The following TMEM214 variants were observed in gnomAD, a reference collection of about 807,000 sequenced individuals.
TMEM214 encodes the protein transmembrane protein 214.
TMEM214 carries 71 observed loss-of-function variants against 89.8 expected under a neutral mutation model. The observed-to-expected ratio is 0.79, with a 90% CI of 0.65 to 0.96. The LOEUF is 0.96. Ranked by LOEUF, TMEM214 falls within the 40% of genes least tolerant of loss-of-function variation. The pLI is 0.00. For synonymous variants in TMEM214, 332 were observed against 349.5 expected (o/e 0.95, Z 0.56); for missense variants, 754 against 843.4 (o/e 0.89, Z 1.31).
chr2:27,041,534 C>T lies in TMEM214; in HGVS notation c.*697C>T, dbSNP rs1008835985. The T allele has an allele frequency of 6.5e-6, 1 of 154,194 alleles. No homozygotes were observed. Among genetic ancestry groups the T allele is most frequent in the Non-Finnish European group, 1.5e-5 (1 of 68,382 alleles). The allele number at this position is 154,194 out of a possible 1,614,324, so 9.6% of individuals were successfully genotyped here. ...TGGGGGTCTTGGTCACAAGGCTCAG[C>T]TTCTCTCCACTGTCCATCCCTCCTA... On this transcript the variant is annotated 3_prime_UTR_variant, in exon 17 of 17. Coordinates refer to ENST00000238788, the MANE Select transcript of TMEM214 (RefSeq NM_017727.5).
At chr2:27,036,183 G>A in intron 5 of TMEM214, 131 bp downstream of exon 5, 1 of 771,706 alleles carries the variant, frequency 1.3e-6, no homozygotes, top group Non-Finnish European at 2.2e-6. Context: ...AACACTATTA[G>A]CACCTATCCT....
Position 27,040,123 on chromosome 2 carries a change from A to C in TMEM214, c.1716A>C (p.Thr572=), listed in dbSNP as rs778305264. ...TGGCCTGGGCTCACACCAATGCCAC[A>C]GTCAGCTTCCTTTCTGCCCACTGTG... ...LQLAWAHTNA[T]VSFLSAHCAS... Residue 572 remains threonine, a synonymous_variant, in exon 15 of 17, where the codon ACA becomes ACC. Transcript: ENST00000238788. 6.2e-7 allele frequency: 1 copy of C among 1,609,286 alleles called. No homozygotes were observed. The highest frequency in any genetic ancestry group is 8.5e-7 in the Non-Finnish European group (1 of 1,180,010).
chr2:27,036,082 G>A (rs758680657), intron 5 of TMEM214, 30 bp downstream of exon 5: 2 of 1,607,906 alleles, frequency 1.2e-6, no homozygotes. Context: ...GGGGATGCTA[G>A]GAAGCTAGGA....
chr2:27,036,461 T>A (rs1373635847), intron 5 of TMEM214, 26 bp from the exon 6 acceptor site: 4 of 1,593,846 alleles, frequency 2.5e-6, no homozygotes, highest in Non-Finnish European at 2.6e-6. Flanking sequence ...CCTATCCCAA[T>A]CTGCCTTCCC....
At chr2:27,036,629 G>A (rs370665769) in intron 6 of TMEM214, 37 bp downstream of exon 6, 180 of 1,613,282 alleles carry the variant, frequency 1.1e-4, no homozygotes, top group Admixed American at 1.7e-4. Context: ...GGAGGGTCTC[G>A]GAGCTGGAAA....
In TMEM214 at chr2:27,038,453, AC is replaced by A. The variant is rs1485469691; in HGVS notation, c.1245-29del. 1 of 1,613,146 alleles carries A rather than the reference AC, an allele frequency of 6.2e-7. No individual in the cohort carries two copies. The highest frequency in any genetic ancestry group is 1.3e-5 in the African/African-American group (1 of 74,894). ...GAGGATGGGTGAGGCTGCGCGAGCC[AC>A]CTGACTAGGGGGTTGTGCTTTCCCC... On this transcript the variant is annotated intron_variant, in intron 10 of 16. Coordinates refer to ENST00000238788, the MANE Select transcript of TMEM214 (RefSeq NM_017727.5). The surrounding 1 kb of genome is among the most constrained non-coding windows in gnomAD (Gnocchi z 4.4).
Position 27,036,513 on chromosome 2 carries a change from G to A in TMEM214, c.747G>A (p.Gln249=). The A allele has an allele frequency of 6.2e-7, 1 of 1,614,148 alleles. No individual in the cohort carries two copies. The highest frequency in any genetic ancestry group is 8.5e-7 in the Non-Finnish European group (1 of 1,180,026). The part of the protein sequence containing the change: ...GKFLELLRSH[Q]SRPAKCLTIM... ...TCCTGGAACTGCTGAGGTCCCACCAGAGCCGACCAGCAAAGTGTCTCACCA... is the reference window on the plus strand; with the variant it reads ...TCCTGGAACTGCTGAGGTCCCACCAAAGCCGACCAGCAAAGTGTCTCACCA... The change falls in exon 6 of 17, where the codon CAG becomes CAA. Residue 249 remains glutamine, a synonymous_variant. Coordinates refer to ENST00000238788, the MANE Select transcript of TMEM214 (RefSeq NM_017727.5).
At chr2:27,036,262 T>G (rs1407506720) in intron 5 of TMEM214, among the ~76,000 whole-genome samples, 3 of 152,240 alleles carry the variant, frequency 2.0e-5, no homozygotes. Context: ...ATGAAAAGAT[T>G]GAGCCACAGA....
intron 16 of TMEM214, 31 bp downstream of exon 16, chr2:27,040,527 T>TCCCCAGCAGCCC: frequency 6.2e-7 from 1 of 1,608,018 alleles, no homozygotes; most frequent in South Asian, 1.1e-5. Flanking sequence ...TCCGGCAGGA[T>TCCCCAGCAGCCC]CCCCAGCAGC....
intron 1 of TMEM214, among the ~76,000 whole-genome samples, 167 bp from the exon 2 acceptor site, chr2:27,033,900 A>C (rs1334962201): frequency 6.6e-6 from 1 of 152,120 alleles, no homozygotes; most frequent in African/African-American, 2.4e-5. Context: ...AGAAGCTACC[A>C]GGAGAACAGC....
Position 27,038,055 on chromosome 2 carries a change from C to T in TMEM214, c.1153-91C>T, listed in dbSNP as rs1203427192. ...AGGGTGGATGTGCGGCCTGGATGGC[C>T]TTGCTTACGGGAAGGGGATCACCTC... is the stretch of plus-strand genomic sequence containing the variant. On this transcript the variant is annotated intron_variant, in intron 9 of 16. Transcript: ENST00000238788. The surrounding 1 kb of genome is among the most constrained non-coding windows in gnomAD (Gnocchi z 4.4). 2.5e-6 allele frequency: 4 copies of T among 1,611,618 alleles called. No homozygotes were observed. The highest frequency in any genetic ancestry group is 3.4e-6 in the Non-Finnish European group (4 of 1,179,662).
Position 27,035,525 on chromosome 2 carries a change from G to A in TMEM214, c.503-69G>A. On this transcript the variant is annotated intron_variant, in intron 3 of 16. Transcript: ENST00000238788. ...TGCCTCCACTCACCATTCCCAGGGA[G>A]AGCACCACAGTTCTCAGAGCTGATG... 17 of 1,593,710 alleles carry A rather than the reference G, an allele frequency of 1.1e-5. No homozygotes were observed. The South Asian group carries it at 1.7e-4, about 16-fold the overall frequency.
rs150870195 is a variant in TMEM214 at position 27,037,240 on chromosome 2, A to G, written c.1010+62A>G. The G allele has an allele frequency of 3.9e-4, 516 of 1,325,170 alleles. 1 individual carries two copies. The African/African-American group carries it at 6.3e-3, about 16-fold the overall frequency. The allele number at this position is 1,325,170 out of a possible 1,614,324, so 82.1% of individuals were successfully genotyped here. ...CCACAGCACCAGAACCACACTACATATTCCCGTCTCTCCTTCCCCAGCCAT... is the reference window on the plus strand; with the variant it reads ...CCACAGCACCAGAACCACACTACATGTTCCCGTCTCTCCTTCCCCAGCCAT... On this transcript the variant is annotated intron_variant, in intron 8 of 16. Transcript: ENST00000238788.
chr2:27,037,878 A>G, intron 9 of TMEM214, 176 bp downstream of exon 9: 1 of 1,555,348 alleles, frequency 6.4e-7, no homozygotes, highest in Non-Finnish European at 8.7e-7. Context: ...GGATCCCAAG[A>G]GACAGCACAT....
rs555888933 is a variant in TMEM214 at position 27,039,681 on chromosome 2, C to T, written c.1526-60C>T. 6.3e-6 allele frequency: 9 copies of T among 1,428,208 alleles called. No homozygotes were observed. In the African/African-American group the frequency reaches 9.8e-5, roughly 16 times the overall value. The allele number at this position is 1,428,208 out of a possible 1,614,324, so 88.5% of individuals were successfully genotyped here. A position where few individuals can be genotyped will look rare whatever the true frequency, so the allele number is the denominator to read the frequency against. Reference sequence around the variant, plus strand: ...GTGCCTGCTCTGGGCCCTGTAGTGTCTGTCTCCCCAGTCCCTGCCCCTCTC... The same window carrying T: ...GTGCCTGCTCTGGGCCCTGTAGTGTTTGTCTCCCCAGTCCCTGCCCCTCTC... On this transcript the variant is annotated intron_variant, in intron 13 of 16. Transcript: ENST00000238788.
Position 27,034,264 on chromosome 2 carries a change from G to T in TMEM214, c.349G>T (p.Ala117Ser), listed in dbSNP as rs1397840508. The stretch of plus-strand genomic sequence containing the variant: ...CCGCAGCCTGGAGGAAGCACTGAAA[G>T]CTGTGAGTGTGCCTAGACATGAGAC... Reference protein sequence around the residue: ...RFRSLEEALKALDVADLQKEL... With the variant: ...RFRSLEEALKSLDVADLQKEL... The change falls in exon 2 of 17, where the codon GCT becomes TCT. Residue 117 changes from alanine to serine, a missense_variant and splice_region_variant. Ala to Ser is a moderately conservative substitution (Grantham distance 99, BLOSUM62 1). Coordinates refer to ENST00000238788, the MANE Select transcript of TMEM214 (RefSeq NM_017727.5). The T allele has an allele frequency of 1.2e-6, 2 of 1,613,572 alleles. No individual in the cohort carries two copies. The highest frequency in any genetic ancestry group is 1.7e-5 in the Admixed American group (1 of 59,984).
intron 1 of TMEM214, 109 bp downstream of exon 1, chr2:27,033,275 C>T (rs1667409692): frequency 1.8e-6 from 2 of 1,104,004 alleles, no homozygotes; most frequent in South Asian, 4.8e-5. Flanking sequence ...CCGAGCGCCA[C>T]GCTTGCGTTG....
rs200019186 is a variant in TMEM214, at chr2:27,037,100, G to C, written c.932G>C (p.Gly311Ala). ...AGGATGCATCCCAACCTTACCAAGG[G>C]CTTCGGCATGATTGGCCCCAAGGAC... The part of the protein sequence containing the change: ...LLLMHPNLTK[G>A]FGMIGPKDFF... Residue 311 changes from glycine to alanine, a missense_variant, in exon 8 of 17, where the codon GGC becomes GCC. Gly to Ala is a moderately conservative substitution (Grantham distance 60, BLOSUM62 0). Coordinates refer to ENST00000238788, the MANE Select transcript of TMEM214 (RefSeq NM_017727.5). 1.3e-5 allele frequency: 21 copies of C among 1,613,848 alleles called. No individual in the cohort carries two copies. Among genetic ancestry groups the C allele is most frequent in the Non-Finnish European group, 1.7e-5 (20 of 1,179,994 alleles).
rs746804824 is a variant in TMEM214 at position 27,040,743 on chromosome 2, A to T, written c.1976A>T (p.Gln659Leu). The part of the protein sequence containing the change: ...GEVTWDCMKT[Q>L]LSEAVHWTWL... ...GTGACCTGGGACTGCATGAAGACACAGCTCAGTGAGGCTGTCCACTGGACC... is the reference window on the plus strand; with the variant it reads ...GTGACCTGGGACTGCATGAAGACACTGCTCAGTGAGGCTGTCCACTGGACC... The change falls in exon 17 of 17, where the codon CAG becomes CTG. Residue 659 changes from glutamine to leucine, a missense_variant. Gln to Leu is a moderately radical substitution (Grantham distance 113, BLOSUM62 -2). Transcript: ENST00000238788. The T allele has an allele frequency of 5.1e-5, 83 of 1,614,052 alleles. No individual in the cohort carries two copies. Among genetic ancestry groups the T allele is most frequent in the Admixed American group, 1.8e-4 (11 of 60,012 alleles).
Sources: gnomAD v4.1 joint callset for allele counts (sites outside exome capture counted in the v4.1 genomes callset) on GRCh38, gnomAD v4.1.1 for gene constraint, Gnocchi (gnomAD v3.1) non-coding constraint, MANE v1.5 for transcripts, NCBI Gene and HGNC (gene_info 2026-07-23, HGNC 2026-07-21) for gene names.